The following NCKAP5 variants were observed in gnomAD, a reference collection of about 807,000 sequenced individuals.
NCKAP5 encodes nck-associated protein 5.
A neutral mutation model predicts 167.0 loss-of-function variants in NCKAP5; 92 were observed. The observed-to-expected ratio is 0.55, with a 90% CI of 0.47 to 0.66. The LOEUF is 0.66. Ranked by LOEUF, NCKAP5 falls within the 30% of genes least tolerant of loss-of-function variation. The pLI, the probability that NCKAP5 is intolerant of heterozygous loss-of-function variation, is 0.00. For missense variants in NCKAP5, 2,378 were observed against 2,315.0 expected (o/e 1.03, Z -0.56); for synonymous variants, 891 against 877.4 (o/e 1.02, Z -0.27).
Position 132,920,658 on chromosome 2 carries a change from CTTATATATATATATATATATAAGTTAGT to C in NCKAP5, c.580-41770_580-41743del, listed in dbSNP as rs1450209445. Among the ~76,000 whole-genome samples, 2 of 78,156 alleles carry C rather than the reference CTTATATATATATATATATATAAGTTAGT, an allele frequency of 2.6e-5. 1 individual carries two copies. The highest frequency in any genetic ancestry group is 4.1e-5 in the Non-Finnish European group (2 of 48,356). 51.3% of individuals were successfully genotyped at this position (78,156 alleles called of 152,430 possible). Reference sequence around the variant, plus strand: ...GAGAGCTTATATATATATGGAAGAACTTATATATATATATATATATAAGTTAGTTTATATATATATATACGTATATGTA... The same window carrying C: ...GAGAGCTTATATATATATGGAAGAACTTATATATATATATACGTATATGTA... On this transcript the variant is annotated intron_variant, in intron 8 of 19. Transcript: ENST00000409261.
At chr2:133,172,133 A>C (rs979608100) in intron 5 of NCKAP5, among the ~76,000 whole-genome samples, 1 of 152,230 alleles carries the variant, frequency 6.6e-6, no homozygotes, top group Non-Finnish European at 1.5e-5. Context: ...TAAGCCAAAA[A>C]TGTAGATAAC....
chr2:133,475,253 C>T (rs956034531), intron 3 of NCKAP5, among the ~76,000 whole-genome samples: 3 of 152,212 alleles, frequency 2.0e-5, no homozygotes, highest in African/African-American at 7.2e-5. Context: ...AACTATAGTG[C>T]TACTCCTTAT....
At chr2:133,080,140 C>T (rs1280237751) in intron 6 of NCKAP5, among the ~76,000 whole-genome samples, 6 of 152,016 alleles carry the variant, frequency 3.9e-5, no homozygotes, top group Admixed American at 6.6e-5. Context: ...TACTAAAATG[C>T]CCCCAGAAAT....
chr2:133,552,932 C>T (rs1240819101), intron 2 of NCKAP5, among the ~76,000 whole-genome samples: 3 of 152,054 alleles, frequency 2.0e-5, no homozygotes, highest in African/African-American at 7.2e-5. Flanking sequence ...ATGATGAGGG[C>T]ATGAAGCAAG....
chr2:133,470,326 G>C (rs908990801), intron 3 of NCKAP5, among the ~76,000 whole-genome samples: 2 of 152,074 alleles, frequency 1.3e-5, no homozygotes, highest in Non-Finnish European at 2.9e-5. Context: ...GCTGCTCGGG[G>C]GTCAGGGGTC....
intron 19 of NCKAP5, among the ~76,000 whole-genome samples, chr2:132,698,273 T>C (rs1157321889): frequency 6.6e-6 from 1 of 152,212 alleles, no homozygotes; most frequent in Non-Finnish European, 1.5e-5. Flanking sequence ...AAATTTGTTC[T>C]GTCTTTTTTA....
intron 11 of NCKAP5, among the ~76,000 whole-genome samples, chr2:132,857,489 T>C (rs1220088373): frequency 6.6e-6 from 1 of 152,208 alleles, no homozygotes; most frequent in Non-Finnish European, 1.5e-5. Flanking sequence ...GCTGCCAACA[T>C]TCATTAAGTT....
chr2:133,593,684 A>C, the NCKAP5 span, among the ~76,000 whole-genome samples: 1 of 152,208 alleles, frequency 6.6e-6, no homozygotes, highest in Admixed American at 6.5e-5. Context: ...GTATGAGTAC[A>C]TAATAGGTTT....
At chr2:133,344,206 G>A (rs1444515665) in intron 3 of NCKAP5, among the ~76,000 whole-genome samples, 8 of 152,160 alleles carry the variant, frequency 5.3e-5, no homozygotes, top group African/African-American at 1.7e-4. Context: ...TCAGGCATTC[G>A]AGACCAGCCT....
At chr2:133,466,301 T>C (rs1692582711) in intron 3 of NCKAP5, among the ~76,000 whole-genome samples, 1 of 148,654 alleles carries the variant, frequency 6.7e-6, no homozygotes, top group African/African-American at 2.5e-5. Flanking sequence ...CTCAGGTTTG[T>C]CAAAGATCAG....
intron 8 of NCKAP5, among the ~76,000 whole-genome samples, chr2:132,918,727 T>A (rs961629587): frequency 6.6e-6 from 1 of 152,192 alleles, no homozygotes; most frequent in Non-Finnish European, 1.5e-5. Flanking sequence ...AAGGACAGTA[T>A]AATGTAAATA....
chr2:133,622,731 G>T, the NCKAP5 span, among the ~76,000 whole-genome samples: 1 of 151,990 alleles, frequency 6.6e-6, no homozygotes, highest in Admixed American at 6.6e-5. Context: ...TGATCATACT[G>T]CCAAAAGCCA....
intron 6 of NCKAP5, among the ~76,000 whole-genome samples, chr2:133,051,753 A>G (rs115122359): frequency 0.012 from 1,835 of 152,326 alleles, 42 homozygotes; most frequent in African/African-American, 0.039. Context: ...ATATTCAAAT[A>G]TATCTCCCAT....
At chr2:133,477,672 A>C (rs1680052708) in intron 3 of NCKAP5, among the ~76,000 whole-genome samples, 1 of 152,200 alleles carries the variant, frequency 6.6e-6, no homozygotes, top group African/African-American at 2.4e-5. Flanking sequence ...CTGCAATAAA[A>C]GTTATGTGAA....
At position 132,731,824 on chromosome 2, in the gene NCKAP5, C is replaced by T. The variant is rs765563733; in HGVS notation, c.5356G>A (p.Ala1786Thr). The part of the protein sequence containing the change: ...STDGQRPADS[A>T]IVHSTSDPIM... ...GGGTCGGATGTGGAATGAACAATGG[C>T]GCTATCTGCAGGGCGCTGGCCGTCT... The change falls in exon 17 of 20, where the codon GCC (alanine) becomes ACC (threonine). Residue 1786 changes from alanine (A) to threonine (T), a missense_variant. Ala to Thr is a moderately conservative substitution (Grantham distance 58). Around this residue, in one of 3 missense-constraint regions of NCKAP5, gnomAD observed 1,325 missense variants for 1,274.5 expected, o/e 1.04. Coordinates refer to ENST00000409261, the MANE Select transcript of NCKAP5 (RefSeq NM_207363.3). 8.7e-6 allele frequency: 14 copies of T among 1,613,900 alleles called. No homozygotes were observed. The East Asian group carries it at 1.1e-4, about 13-fold the overall frequency.
At chr2:132,698,459 T>A (rs929786132) in intron 19 of NCKAP5, among the ~76,000 whole-genome samples, 3 of 152,118 alleles carry the variant, frequency 2.0e-5, no homozygotes, top group Admixed American at 2.0e-4. Flanking sequence ...ATATTTAGTA[T>A]GGGGGAATGA....
chr2:132,765,872 T>G (rs757470068), intron 16 of NCKAP5, among the ~76,000 whole-genome samples: 1 of 152,136 alleles, frequency 6.6e-6, no homozygotes, highest in Non-Finnish European at 1.5e-5. Context: ...CTAGGAAGTG[T>G]TCTTAAAACG....
At chr2:132,811,360 C>T (rs1685851347) in intron 11 of NCKAP5, among the ~76,000 whole-genome samples, 1 of 152,138 alleles carries the variant, frequency 6.6e-6, no homozygotes, top group Non-Finnish European at 1.5e-5. Flanking sequence ...TCTTCTGCTA[C>T]AGGGGTGGAT....
chr2:133,670,120 C>T, the NCKAP5 span, among the ~76,000 whole-genome samples: 5 of 152,198 alleles, frequency 3.3e-5, no homozygotes, highest in Non-Finnish European at 7.3e-5. Context: ...CTACCCCTTA[C>T]CAGCTCTGTG....
Sources: allele counts gnomAD v4.1 joint callset (sites outside exome capture counted in the v4.1 genomes callset), GRCh38; gene constraint gnomAD v4.1.1; regional missense constraint gnomAD v4.1.1; transcripts MANE v1.5; gene names NCBI Gene and HGNC (gene_info 2026-07-23, HGNC 2026-07-21).